SLC22A24: variants seen among roughly 807,000 people sequenced by gnomAD.
The protein encoded by SLC22A24 is steroid transmembrane transporter SLC22A24.
In SLC22A24, 53 loss-of-function variants were observed where a neutral mutation model predicts 49.8. The observed-to-expected ratio is 1.06, with a 90% CI of 0.85 to 1.34. The LOEUF (loss-of-function observed/expected upper bound fraction) is 1.34, where lower values mean the gene tolerates loss of function less well. Among genes scored for constraint, SLC22A24 ranks in the 40% most tolerant of loss-of-function variants. The pLI, the probability that SLC22A24 is intolerant of heterozygous loss-of-function variation, is 0.00. For synonymous variants in SLC22A24, 302 were observed against 256.4 expected (o/e 1.18, Z -1.70); for missense variants, 786 against 675.9 (o/e 1.16, Z -1.81).
intron 4 of SLC22A24, among the ~76,000 whole-genome samples, chr11:63,108,341 T>C (rs2087136514): frequency 6.6e-6 from 1 of 152,182 alleles, no homozygotes; most frequent in Non-Finnish European, 1.5e-5. Flanking sequence ...TTTGCCAGTA[T>C]TTTATTGAGG....
intron 4 of SLC22A24, among the ~76,000 whole-genome samples, chr11:63,117,120 A>C (rs978388116): frequency 2.0e-5 from 3 of 152,258 alleles, no homozygotes; most frequent in African/African-American, 7.2e-5. Context: ...CCTGTGTAGA[A>C]GTCATGCTTT....
rs1555045479 is a variant in SLC22A24 at position 63,088,395 on chromosome 11, T to TC, written c.1071-4939_1071-4938insG. Among the ~76,000 whole-genome samples, 576 of 151,694 alleles carry TC rather than the reference T, an allele frequency of 3.8e-3. 4 individuals are homozygous for TC. The highest frequency in any genetic ancestry group is 0.013 in the African/African-American group (535 of 41,318). ...TACAACATCAACATCAACATCAACA[T>TC]AAAGGACTCCACACAAAAACCCCAC... On this transcript the variant is annotated intron_variant, in intron 6 of 9. Transcript: ENST00000612278.
intron 5 of SLC22A24, among the ~76,000 whole-genome samples, chr11:63,097,710 A>G (rs570396281): frequency 6.6e-6 from 1 of 152,330 alleles, no homozygotes; most frequent in East Asian, 1.9e-4. Flanking sequence ...GGGCACATAT[A>G]TGCCACGGAA....
At chr11:63,143,275 C>G in intron 1 of SLC22A24, 103 bp downstream of exon 1, 2 of 960,476 alleles carry the variant, frequency 2.1e-6, no homozygotes, top group Non-Finnish European at 2.8e-6. Flanking sequence ...GAGCTGACTG[C>G]AGGTCCCATC....
In SLC22A24 at chr11:63,134,753, C is replaced by A. The variant is rs1304393832; in HGVS notation, c.418G>T (p.Glu140Ter). ...TIVTEWDLVC[E>*]SQSLKSMVQS... ...ACCATTGATTTTAGTGACTGAGATT[C>A]ACATACCAGGTCCCACTGGAAGAGA... Residue 140 changes from glutamate (E) to a stop codon, truncating the protein, a stop_gained, in exon 2 of 10, where the codon GAA (glutamate) becomes TAA (stop). Coordinates refer to ENST00000612278, the MANE Select transcript of SLC22A24 (RefSeq NM_001136506.2). LOFTEE classifies it high-confidence loss of function. 5 of 1,573,206 alleles carry A rather than the reference C, an allele frequency of 3.2e-6. No individual in the cohort carries two copies. Among genetic ancestry groups the A allele is most frequent in the Non-Finnish European group, 4.3e-6 (5 of 1,157,468 alleles).
intron 4 of SLC22A24, among the ~76,000 whole-genome samples, chr11:63,117,765 A>G (rs763846375): frequency 2.0e-5 from 3 of 152,172 alleles, no homozygotes; most frequent in Non-Finnish European, 2.9e-5. Context: ...CACACAGAAT[A>G]TGTGTTAATA....
In SLC22A24 at chr11:63,143,717, T is replaced by C. The variant is rs570874651; in HGVS notation, c.63A>G (p.Ile21Met). 49 of 1,528,800 alleles carry C rather than the reference T, an allele frequency of 3.2e-5. No individual in the cohort carries two copies. The African/African-American group carries it at 5.9e-4, about 19-fold the overall frequency. 94.7% of individuals were successfully genotyped at this position (1,528,800 alleles called of 1,614,324 possible). ...GGATGTTGGTGATGCAAAAGAAAGC[T>C]ATCAGACAAATCTGGAATCTCCCCA... The part of the protein sequence containing the change: ...GGMGRFQICL[I>M]AFFCITNILL... Residue 21 changes from isoleucine to methionine, a missense_variant, in exon 1 of 10, where the codon ATA becomes ATG. Coordinates refer to ENST00000612278, the MANE Select transcript of SLC22A24 (RefSeq NM_001136506.2).
At chr11:63,087,318 C>T (rs1038995927) in intron 6 of SLC22A24, among the ~76,000 whole-genome samples, 13 of 152,070 alleles carry the variant, frequency 8.5e-5, no homozygotes, top group South Asian at 4.1e-4. Flanking sequence ...TCAGCTCACC[C>T]GGGAAGTGCA....
chr11:63,137,140 G>C (rs888330060), intron 1 of SLC22A24, among the ~76,000 whole-genome samples: 5 of 152,116 alleles, frequency 3.3e-5, no homozygotes, highest in Non-Finnish European at 5.9e-5. Flanking sequence ...TGTCTGTTTG[G>C]CTCCTGAGGA....
At chr11:63,129,761 T>C (rs929019038) in intron 2 of SLC22A24, among the ~76,000 whole-genome samples, 1 of 151,490 alleles carries the variant, frequency 6.6e-6, no homozygotes, top group Non-Finnish European at 1.5e-5. Context: ...AGTTCACTCA[T>C]GATTTGGCTC....
intron 6 of SLC22A24, among the ~76,000 whole-genome samples, chr11:63,087,512 G>A (rs2086994755): frequency 6.6e-6 from 1 of 152,190 alleles, no homozygotes; most frequent in Admixed American, 6.5e-5. Flanking sequence ...GCAAACACTG[G>A]GCTAGCTGCA....
At chr11:63,104,121 T>C in intron 5 of SLC22A24, 54 bp downstream of exon 5, 1 of 1,537,762 alleles carries the variant, frequency 6.5e-7, no homozygotes, top group Non-Finnish European at 8.8e-7. Flanking sequence ...CTAGTATGAT[T>C]GTGAGGTCAT....
rs189665933 is a variant in SLC22A24, at chr11:63,107,814, C to T, written c.831-3516G>A. Among the ~76,000 whole-genome samples the T allele has an allele frequency of 3.8e-4, 58 of 152,248 alleles. 1 individual carries two copies. Among genetic ancestry groups the T allele is most frequent in the African/African-American group, 1.4e-3 (57 of 41,552 alleles). ...CTGAGACTTTGCTGAAGTTGCTTAT[C>T]AGCTTAAGGAGATTTTGGGCTGAGA... On this transcript the variant is annotated intron_variant, in intron 4 of 9. Transcript: ENST00000612278.
chr11:63,112,892 G>T (rs1161790415), intron 4 of SLC22A24, among the ~76,000 whole-genome samples: 1 of 150,138 alleles, frequency 6.7e-6, no homozygotes, highest in Non-Finnish European at 1.5e-5. Context: ...ATGAGTGCCT[G>T]TAGTCCCAGC....
rs562619258 is a variant in SLC22A24 at position 63,097,970 on chromosome 11, G to A, written c.955-1864C>T. Among the ~76,000 whole-genome samples, 4 of 152,124 alleles carry A rather than the reference G, an allele frequency of 2.6e-5. No individual in the cohort carries two copies. In the East Asian group the frequency reaches 5.8e-4, roughly 22 times the overall value. On this transcript the variant is annotated intron_variant, in intron 5 of 9. Coordinates refer to ENST00000612278, the MANE Select transcript of SLC22A24 (RefSeq NM_001136506.2). Reference sequence around the variant, plus strand: ...GCATTAGGACAAATACCTAATGCATGTGAAGCTTAAAACCTAGATGATGGG... The same window carrying A: ...GCATTAGGACAAATACCTAATGCATATGAAGCTTAAAACCTAGATGATGGG...
In SLC22A24 at chr11:63,119,258, G is replaced by A. The variant is rs1160358286; in HGVS notation, c.584C>T (p.Thr195Ile). The A allele has an allele frequency of 3.2e-6, 5 of 1,551,416 alleles. No individual in the cohort carries two copies. The highest frequency in any genetic ancestry group is 4.4e-6 in the Non-Finnish European group (5 of 1,146,910). The stretch of plus-strand genomic sequence containing the variant: ...GCGCAGTATGCAGTAAACAAGGAAG[G>A]TGGGAGCGAAGGCCGCACAGGTGTT... ...ISNTCAAFAP[T>I]FLVYCILRFL... The change falls in exon 3 of 10, where the codon ACC (threonine) becomes ATC (isoleucine). Residue 195 changes from threonine (T) to isoleucine (I), a missense_variant. Coordinates refer to ENST00000612278, the MANE Select transcript of SLC22A24 (RefSeq NM_001136506.2).
Position 63,113,011 on chromosome 11 carries a change from CAAAAAAAAA to C in SLC22A24, c.830+5892_830+5900del, listed in dbSNP as rs869264212. Among the ~76,000 whole-genome samples the C allele has an allele frequency of 1.2e-3, 14 of 12,026 alleles. 2 individuals carry two copies. The highest frequency in any genetic ancestry group is 3.4e-3 in the African/African-American group (8 of 2,336). 7.9% of individuals were successfully genotyped at this position (12,026 alleles called of 152,430 possible). Reference sequence around the variant, plus strand: ...GCCTGTGTGACAGCAGACTCTGTCTCAAAAAAAAAAAAAAAAAAAAAAAAATATATATAT... The same window carrying C: ...GCCTGTGTGACAGCAGACTCTGTCTCAAAAAAAAAAAAAAAATATATATAT... On this transcript the variant is annotated intron_variant, in intron 4 of 9. Transcript: ENST00000612278.
chr11:63,128,571 C>T (rs532542666), intron 2 of SLC22A24, among the ~76,000 whole-genome samples: 273 of 152,316 alleles, frequency 1.8e-3, no homozygotes, highest in Middle Eastern at 3.4e-3. Flanking sequence ...ATGTTCCATC[C>T]TGTACACCTG....
At chr11:63,112,305 G>T (rs1269764553) in intron 4 of SLC22A24, among the ~76,000 whole-genome samples, 1 of 152,184 alleles carries the variant, frequency 6.6e-6, no homozygotes, top group Non-Finnish European at 1.5e-5. Flanking sequence ...GTGGTGTAGT[G>T]CTGAAGAAAA....
Sources: allele counts gnomAD v4.1 joint callset (sites outside exome capture counted in the v4.1 genomes callset), GRCh38; gene constraint gnomAD v4.1.1; transcripts MANE v1.5; gene names NCBI Gene and HGNC (gene_info 2026-07-23, HGNC 2026-07-21).